Variants in TRERF1 observed in about 807,000 individuals in gnomAD.
The protein encoded by TRERF1 is transcriptional regulating factor 1.
Under a neutral mutation model 122.9 loss-of-function variants are expected in TRERF1, and 27 were observed. The ratio of observed to expected loss-of-function variants is 0.22; its 90% CI spans 0.16 to 0.30. The LOEUF (loss-of-function observed/expected upper bound fraction) is 0.30. TRERF1 is among the 10% of genes least tolerant of loss of function. The probability of loss-of-function intolerance (pLI) is 1.00; values close to 1 mark genes in which losing one functional copy is unlikely to be tolerated. For synonymous variants in TRERF1, 636 were observed against 641.7 expected, an observed-to-expected ratio of 0.99 and a Z score of 0.13; for missense variants, 1,248 against 1,560.3, an observed-to-expected ratio of 0.80 and a Z score of 3.37.
chr6:42,427,382 C>T (rs1783783286), intron 2 of TRERF1, among the ~76,000 whole-genome samples: 1 of 152,084 alleles, frequency 6.6e-6, no homozygotes, highest in African/African-American at 2.4e-5. Context: ...TTCAGCCTCC[C>T]AAGTAGCTAG....
chr6:42,348,095 C>A (rs1040935480), intron 3 of TRERF1, among the ~76,000 whole-genome samples: 3 of 152,146 alleles, frequency 2.0e-5, no homozygotes, highest in Non-Finnish European at 4.4e-5. Flanking sequence ...AGATGGGCAT[C>A]AAATCTAACT....
chr6:42,440,685 C>T (rs1363175408), intron 2 of TRERF1, among the ~76,000 whole-genome samples: 1 of 152,080 alleles, frequency 6.6e-6, no homozygotes, highest in Non-Finnish European at 1.5e-5. Flanking sequence ...CTCAAATTCC[C>T]AAGAGAAAAT....
At chr6:42,422,461 T>C (rs1195110071) in intron 2 of TRERF1, among the ~76,000 whole-genome samples, 3 of 138,762 alleles carry the variant, frequency 2.2e-5, no homozygotes, top group Non-Finnish European at 4.5e-5. Context: ...AAGGTTGCAG[T>C]GAGCCGAGAT....
intron 3 of TRERF1, among the ~76,000 whole-genome samples, chr6:42,355,230 T>C (rs749559732): frequency 6.6e-6 from 1 of 152,172 alleles, no homozygotes; most frequent in Non-Finnish European, 1.5e-5. Context: ...ATATTAAAGA[T>C]TGGTCACTTT....
At chr6:42,267,795 A>G (rs1779475501) in intron 5 of TRERF1, among the ~76,000 whole-genome samples, 1 of 152,214 alleles carries the variant, frequency 6.6e-6, no homozygotes, top group Admixed American at 6.5e-5. Flanking sequence ...AGGGGGACCA[A>G]TGTCACAGAG....
At chr6:42,347,542 G>T (rs1419436369) in intron 3 of TRERF1, among the ~76,000 whole-genome samples, 1 of 152,122 alleles carries the variant, frequency 6.6e-6, no homozygotes, top group Non-Finnish European at 1.5e-5. Context: ...GATAAGTAAT[G>T]GAACAACTGC....
chr6:42,236,105 G>A, intron 16 of TRERF1, 100 bp downstream of exon 16: 1 of 1,463,358 alleles, frequency 6.8e-7, no homozygotes, highest in Non-Finnish European at 9.0e-7. Context: ...AACTGTGACT[G>A]TTGGAAGAGC....
rs1778163639 is a variant in TRERF1, at chr6:42,393,972, T to C, written c.-453-30893A>G. Among the ~76,000 whole-genome samples, 1 of 152,198 alleles carries C rather than the reference T, an allele frequency of 6.6e-6. No individual in the cohort carries two copies. The highest frequency in any genetic ancestry group is 6.5e-5 in the Admixed American group (1 of 15,284). ...ACTTCCAAATCCTCACACTGGTTTCTTCCAGAAAGATGGATGTTTTTATTT... is the reference window on the plus strand; with the variant it reads ...ACTTCCAAATCCTCACACTGGTTTCCTCCAGAAAGATGGATGTTTTTATTT... On this transcript the variant is annotated intron_variant, in intron 2 of 17. Transcript: ENST00000372922. This position sits in a 1 kb window ranked among gnomAD's most constrained non-coding sequence, Gnocchi z 4.1.
chr6:42,357,728 A>G (rs863647), intron 3 of TRERF1, among the ~76,000 whole-genome samples: 39,033 of 152,052 alleles, frequency 0.26, 8,376 homozygotes, highest in African/African-American at 0.57. Context: ...CAGAGGGGTT[A>G]CTTTCACACC....
At chr6:42,285,325 T>C (rs560266254) in intron 4 of TRERF1, among the ~76,000 whole-genome samples, 4 of 152,304 alleles carry the variant, frequency 2.6e-5, no homozygotes, top group African/African-American at 9.6e-5. Flanking sequence ...TTTTTGTACA[T>C]TGATTTTGTA....
chr6:42,234,933 G>T (rs1771749637), intron 16 of TRERF1, among the ~76,000 whole-genome samples: 1 of 152,072 alleles, frequency 6.6e-6, no homozygotes, highest in Non-Finnish European at 1.5e-5. Context: ...AATTCACCAA[G>T]AAATACCATC....
At chr6:42,272,914 C>T (rs1311068973) in intron 4 of TRERF1, among the ~76,000 whole-genome samples, 2 of 152,174 alleles carry the variant, frequency 1.3e-5, no homozygotes, top group Non-Finnish European at 2.9e-5. Context: ...TCACCACGTC[C>T]ATATTCAAAG....
chr6:42,319,975 C>T (rs570966051), intron 3 of TRERF1, among the ~76,000 whole-genome samples: 119 of 151,886 alleles, frequency 7.8e-4, no homozygotes, highest in African/African-American at 2.4e-3. Context: ...GATCTCAGCT[C>T]ACTGCAACCT....
intron 2 of TRERF1, among the ~76,000 whole-genome samples, chr6:42,384,463 A>G (rs1776457572): frequency 6.6e-6 from 1 of 152,240 alleles, no homozygotes; most frequent in Non-Finnish European, 1.5e-5. Context: ...TTATATGCAT[A>G]GATTATCTTT....
intron 2 of TRERF1, among the ~76,000 whole-genome samples, chr6:42,404,546 C>T (rs1562145261): frequency 6.6e-6 from 1 of 152,076 alleles, no homozygotes; most frequent in African/African-American, 2.4e-5. Flanking sequence ...CCAAGAAGCA[C>T]GGCTTTCAGA....
At chr6:42,385,266 T>G (rs1776604113) in intron 2 of TRERF1, among the ~76,000 whole-genome samples, 1 of 152,180 alleles carries the variant, frequency 6.6e-6, no homozygotes, top group Non-Finnish European at 1.5e-5. Flanking sequence ...TGTGAGCCAC[T>G]GCACCCGACC....
chr6:42,430,086 G>C (rs919679956), intron 2 of TRERF1, among the ~76,000 whole-genome samples: 13 of 151,878 alleles, frequency 8.6e-5, no homozygotes, highest in African/African-American at 3.1e-4. Context: ...GAGGAATGAG[G>C]AGGAGAGCTG....
intron 3 of TRERF1, among the ~76,000 whole-genome samples, chr6:42,328,637 T>C (rs775123547): frequency 3.3e-5 from 5 of 151,928 alleles, no homozygotes; most frequent in Non-Finnish European, 7.4e-5. Flanking sequence ...AAATGTGGAG[T>C]TGTCTGTCTG....
chr6:42,417,022 C>T (rs781605655), intron 2 of TRERF1, among the ~76,000 whole-genome samples: 52 of 152,130 alleles, frequency 3.4e-4, no homozygotes, highest in South Asian at 1.2e-3. Context: ...ACCAGGACAA[C>T]GCCCAGCCAG....
Sources: gnomAD v4.1 joint callset for allele counts (sites outside exome capture counted in the v4.1 genomes callset) on GRCh38, gnomAD v4.1.1 for gene constraint, Gnocchi (gnomAD v3.1) non-coding constraint, MANE v1.5 for transcripts, NCBI Gene and HGNC (gene_info 2026-07-23, HGNC 2026-07-21) for gene names.